NCKAP5: variants seen among roughly 807,000 people sequenced by gnomAD.
NCKAP5 encodes nck-associated protein 5.
A neutral mutation model predicts 167.0 loss-of-function variants in NCKAP5; 92 were observed. That is an observed-to-expected ratio of 0.55 (90% confidence interval 0.47 to 0.66). The LOEUF is 0.66. NCKAP5 is among the 30% of genes least tolerant of loss of function. NCKAP5 has a pLI of 0.00. For missense variants in NCKAP5, 2,378 were observed against 2,315.0 expected, an observed-to-expected ratio of 1.03 and a Z score of -0.56; for synonymous variants, 891 against 877.4, an observed-to-expected ratio of 1.02 and a Z score of -0.27.
chr2:133,202,055 CA>C (rs1290477771), intron 5 of NCKAP5, among the ~76,000 whole-genome samples: 5 of 152,016 alleles, frequency 3.3e-5, no homozygotes, highest in African/African-American at 1.2e-4. Flanking sequence ...CATATGGAAC[CA>C]AAAAAGAGCC....
At chr2:133,538,937 T>TGG (rs1685986391) in intron 2 of NCKAP5, among the ~76,000 whole-genome samples, 2 of 130,796 alleles carry the variant, frequency 1.5e-5, no homozygotes, top group Non-Finnish European at 3.2e-5. Flanking sequence ...TTGGGTTTTT[T>TGG]TTTTTTTTTT....
chr2:132,801,302 T>C (rs914059355), intron 11 of NCKAP5, among the ~76,000 whole-genome samples: 2 of 152,198 alleles, frequency 1.3e-5, no homozygotes, highest in Non-Finnish European at 1.5e-5. Context: ...ATTTGGGCCA[T>C]GATTCGTTTG....
chr2:133,421,786 T>A (rs1195449675), intron 3 of NCKAP5, among the ~76,000 whole-genome samples: 1 of 152,208 alleles, frequency 6.6e-6, no homozygotes, highest in African/African-American at 2.4e-5. Context: ...CTTACTTTCC[T>A]CTTTCTGAAC....
chr2:132,942,749 T>C (rs1436978569), intron 8 of NCKAP5, among the ~76,000 whole-genome samples: 1 of 152,196 alleles, frequency 6.6e-6, no homozygotes, highest in Non-Finnish European at 1.5e-5. Context: ...TTCCGCTACA[T>C]CAAGCAAAAT....
intron 8 of NCKAP5, among the ~76,000 whole-genome samples, chr2:132,883,024 T>A (rs188315736): frequency 3.4e-4 from 51 of 151,962 alleles, no homozygotes; most frequent in Non-Finnish European, 6.9e-4. Context: ...GAGATCTCCA[T>A]CTCTACTAAA....
intron 6 of NCKAP5, among the ~76,000 whole-genome samples, chr2:133,001,885 C>G (rs941197790): frequency 3.9e-5 from 6 of 152,116 alleles, no homozygotes; most frequent in Non-Finnish European, 1.5e-5. Flanking sequence ...TTCCAAAAAG[C>G]AAACCTTGAA....
chr2:133,346,831 G>A (rs1004860075), intron 3 of NCKAP5, among the ~76,000 whole-genome samples: 3 of 152,262 alleles, frequency 2.0e-5, no homozygotes, highest in Non-Finnish European at 2.9e-5. Flanking sequence ...AACACATCCA[G>A]TTAATGACAC....
intron 9 of NCKAP5, 85 bp from the exon 10 acceptor site, chr2:132,869,059 G>A: frequency 1.1e-6 from 1 of 918,942 alleles, no homozygotes; most frequent in South Asian, 1.8e-5. Context: ...GTTTCTCGCA[G>A]CTTATTGTAG....
Position 132,784,229 on chromosome 2 carries a change from G to T in NCKAP5, c.2582C>A (p.Ser861Ter), listed in dbSNP as rs745759562. 6.3e-7 allele frequency: 1 copy of T among 1,598,466 alleles called. No individual in the cohort carries two copies. Among genetic ancestry groups the T allele is most frequent in the Non-Finnish European group, 8.5e-7 (1 of 1,173,702 alleles). The change falls in exon 14 of 20, where the codon TCA (serine) becomes TAA (stop). Residue 861 changes from serine to a stop codon, truncating the protein, a stop_gained. Coordinates refer to ENST00000409261, the MANE Select transcript of NCKAP5 (RefSeq NM_207363.3). LOFTEE classifies it high-confidence loss of function. ...ESSGPLFELR[S>*]DPHIPKHSAQ... ...GGAATGTTTTGGAATGTGTGGATCT[G>T]ATCGTAATTCAAAGAGGGGCCCTGA...
chr2:133,123,449 C>T (rs1460060535), intron 6 of NCKAP5: 1 of 192,764 alleles, frequency 5.2e-6, no homozygotes, highest in East Asian at 1.2e-4. Context: ...ATCTTTTCTT[C>T]CATCTGTTGT....
At chr2:133,563,254 T>C (rs1190427345) in intron 1 of NCKAP5, among the ~76,000 whole-genome samples, 1 of 152,068 alleles carries the variant, frequency 6.6e-6, no homozygotes, top group Non-Finnish European at 1.5e-5. Flanking sequence ...TGTTTAACCA[T>C]AAACTTGGGC....
intron 6 of NCKAP5, among the ~76,000 whole-genome samples, chr2:133,005,781 T>C (rs1006078852): frequency 1.3e-5 from 2 of 152,172 alleles, no homozygotes; most frequent in Admixed American, 1.3e-4. Context: ...GGCCACTGTG[T>C]TTAGGAATAA....
chr2:133,388,893 T>C (rs555274266), intron 3 of NCKAP5, among the ~76,000 whole-genome samples: 3 of 152,292 alleles, frequency 2.0e-5, no homozygotes, highest in South Asian at 2.1e-4. Context: ...AAACACGCAG[T>C]ATTAGGGTGG....
chr2:132,850,715 G>A (rs1689012185), intron 11 of NCKAP5, among the ~76,000 whole-genome samples: 1 of 151,956 alleles, frequency 6.6e-6, no homozygotes, highest in South Asian at 2.1e-4. Flanking sequence ...AGAACTGCAG[G>A]GACTACTTCT....
chr2:133,609,316 T>C, the NCKAP5 span, among the ~76,000 whole-genome samples: 30 of 152,372 alleles, frequency 2.0e-4, no homozygotes, highest in African/African-American at 6.7e-4. Context: ...AGAAGGCACA[T>C]GGCAAATGTT....
the NCKAP5 span, among the ~76,000 whole-genome samples, chr2:133,578,248 C>T: frequency 3.3e-5 from 5 of 152,294 alleles, no homozygotes; most frequent in East Asian, 3.9e-4. Flanking sequence ...TTGCCACCCT[C>T]CCTTTCTTCA....
intron 6 of NCKAP5, among the ~76,000 whole-genome samples, chr2:133,129,487 G>C (rs549503091): frequency 6.6e-6 from 1 of 152,306 alleles, no homozygotes; most frequent in Non-Finnish European, 1.5e-5. Context: ...TCTTAATCCA[G>C]TTTATCGTTG....
chr2:132,995,677 A>G (rs1242239413), intron 6 of NCKAP5, among the ~76,000 whole-genome samples: 1 of 138,830 alleles, frequency 7.2e-6, no homozygotes, highest in Non-Finnish European at 1.6e-5. Flanking sequence ...CAAACAAACA[A>G]ACAAAAAACA....
At chr2:132,908,524 AC>A (rs1694184336) in intron 8 of NCKAP5, among the ~76,000 whole-genome samples, 1 of 152,190 alleles carries the variant, frequency 6.6e-6, no homozygotes, top group South Asian at 2.1e-4. Flanking sequence ...CATAATCTTG[AC>A]TAATACTAAG....
Sources: allele counts gnomAD v4.1 joint callset (sites outside exome capture counted in the v4.1 genomes callset), GRCh38; gene constraint gnomAD v4.1.1; transcripts MANE v1.5; gene names NCBI Gene and HGNC (gene_info 2026-07-23, HGNC 2026-07-21).